KCNMB2: variants seen among roughly 807,000 people sequenced by gnomAD.
KCNMB2 encodes the protein potassium calcium-activated channel subfamily M regulatory beta subunit 2, also known as calcium-activated potassium channel subunit beta-2.
A neutral mutation model predicts 24.5 loss-of-function variants in KCNMB2; 9 were observed. The ratio of observed to expected loss-of-function variants is 0.37; its 90% confidence interval spans 0.22 to 0.64. The LOEUF is 0.64. Among genes scored for constraint, KCNMB2 ranks in the 30% least tolerant of loss-of-function variants. KCNMB2 has a pLI of 0.63. For missense variants in KCNMB2, 226 were observed against 284.3 expected (o/e 0.79, Z 1.47); for synonymous variants, 109 against 104.4 (o/e 1.04, Z -0.27).
At chr3:178,536,928 A>G (rs1715430020) in intron 1 of KCNMB2, among the ~76,000 whole-genome samples, 1 of 152,210 alleles carries the variant, frequency 6.6e-6, no homozygotes, top group South Asian at 2.1e-4. Flanking sequence ...CCAGGCTTAC[A>G]GCTTGCTGAG....
At chr3:178,835,266 C>T (rs1381127893) in intron 4 of KCNMB2, among the ~76,000 whole-genome samples, 2 of 151,984 alleles carry the variant, frequency 1.3e-5, no homozygotes, top group African/African-American at 2.4e-5. Context: ...ATTCTGTTTT[C>T]CTTTTCACTA....
intron 1 of KCNMB2, among the ~76,000 whole-genome samples, chr3:178,706,721 C>T (rs1722288869): frequency 6.6e-6 from 1 of 152,174 alleles, no homozygotes; most frequent in South Asian, 2.1e-4. Context: ...AACTTGCTAT[C>T]TGCACCTTCC....
At chr3:178,664,648 T>C (rs969615224) in intron 1 of KCNMB2, among the ~76,000 whole-genome samples, 2 of 151,806 alleles carry the variant, frequency 1.3e-5, no homozygotes, top group Non-Finnish European at 2.9e-5. Context: ...TTTTTCTACA[T>C]CTCTTTTTAT....
chr3:178,684,356 G>A (rs375257185), intron 1 of KCNMB2, among the ~76,000 whole-genome samples: 1 of 150,014 alleles, frequency 6.7e-6, no homozygotes, highest in East Asian at 2.0e-4. Context: ...GAGAGGAAAT[G>A]GGGAGATGTA....
At chr3:178,568,813 AG>A (rs1716639258) in intron 1 of KCNMB2, among the ~76,000 whole-genome samples, 1 of 51,662 alleles carries the variant, frequency 1.9e-5, no homozygotes, top group Admixed American at 1.9e-4. Flanking sequence ...ATAGATAGAT[AG>A]ATAATAGATA....
At chr3:178,740,885 G>A (rs1723472994) in intron 1 of KCNMB2, among the ~76,000 whole-genome samples, 1 of 152,042 alleles carries the variant, frequency 6.6e-6, no homozygotes, top group Non-Finnish European at 1.5e-5. Flanking sequence ...GAACTCACAG[G>A]CTCAAAGTAA....
At chr3:178,730,035 A>C (rs925639763) in intron 1 of KCNMB2, among the ~76,000 whole-genome samples, 1 of 152,200 alleles carries the variant, frequency 6.6e-6, no homozygotes, top group Non-Finnish European at 1.5e-5. Context: ...CCTCTAGAGA[A>C]TCTTGCATTG....
chr3:178,661,488 T>A (rs1049213435), intron 1 of KCNMB2, among the ~76,000 whole-genome samples: 4 of 152,286 alleles, frequency 2.6e-5, no homozygotes, highest in African/African-American at 7.2e-5. Flanking sequence ...CTTTGTGAGC[T>A]ATACAGTCTC....
intron 1 of KCNMB2, among the ~76,000 whole-genome samples, chr3:178,579,869 GC>G (rs1253616737): frequency 2.6e-5 from 4 of 152,112 alleles, no homozygotes; most frequent in Non-Finnish European, 4.4e-5. Flanking sequence ...TGAAATTGAG[GC>G]AGTAATTAAT....
intron 1 of KCNMB2, among the ~76,000 whole-genome samples, chr3:178,538,377 T>A (rs1715477878): frequency 1.3e-5 from 2 of 152,152 alleles, no homozygotes; most frequent in Non-Finnish European, 2.9e-5. Context: ...AACTGACCAG[T>A]CAAGAATGCA....
intron 1 of KCNMB2, among the ~76,000 whole-genome samples, chr3:178,793,523 G>GC (rs1560024045): frequency 9.2e-4 from 140 of 151,728 alleles, no homozygotes; most frequent in African/African-American, 3.3e-3. Flanking sequence ...CTGGGGGGGT[G>GC]GGCAATGGAC....
intron 4 of KCNMB2, among the ~76,000 whole-genome samples, chr3:178,836,499 A>G (rs1351411284): frequency 3.3e-5 from 5 of 152,134 alleles, no homozygotes; most frequent in Admixed American, 2.6e-4. Flanking sequence ...ACTAAAGAGA[A>G]GTTTCTGTCT....
rs1340771017 is a variant in KCNMB2, at chr3:178,679,271, C to G, written c.-67-128072C>G. 6.6e-5 allele frequency among the ~76,000 whole-genome samples: 10 copies of G among 152,124 alleles called. No homozygotes were observed. In the South Asian group the frequency reaches 2.1e-3, roughly 32 times the overall value. ...TTAGAGATAGGCTCTTGGTCTGTCA[C>G]CCAGGCTGGAGTACAGTGGTGCACT... On this transcript the variant is annotated intron_variant, in intron 1 of 4. Coordinates refer to ENST00000452583, the MANE Select transcript of KCNMB2 (RefSeq NM_181361.3).
chr3:178,652,507 C>T (rs1289558832), intron 1 of KCNMB2, among the ~76,000 whole-genome samples: 1 of 151,710 alleles, frequency 6.6e-6, no homozygotes, highest in Non-Finnish European at 1.5e-5. Context: ...ATTTGTGAAG[C>T]TATTTTTAAC....
chr3:178,680,648 T>A (rs142937963), intron 1 of KCNMB2, among the ~76,000 whole-genome samples: 1 of 152,178 alleles, frequency 6.6e-6, no homozygotes, highest in Non-Finnish European at 1.5e-5. Flanking sequence ...CAGAGCTCTC[T>A]GCTGGCAACT....
chr3:178,708,883 T>G (rs2108347851), intron 1 of KCNMB2, among the ~76,000 whole-genome samples: 2 of 152,274 alleles, frequency 1.3e-5, no homozygotes, highest in Middle Eastern at 3.4e-3. Flanking sequence ...CATCTGTTAA[T>G]TTACCAATGG....
At chr3:178,571,447 G>GATATATATATATATAT (rs71181237) in intron 1 of KCNMB2, among the ~76,000 whole-genome samples, 2 of 91,102 alleles carry the variant, frequency 2.2e-5, no homozygotes, top group Admixed American at 1.2e-4. Context: ...TTTCCTTATG[G>GATATATATATATATAT]ATATATATAT....
intron 1 of KCNMB2, among the ~76,000 whole-genome samples, chr3:178,800,075 T>C (rs1713716138): frequency 6.6e-6 from 1 of 152,074 alleles, no homozygotes; most frequent in African/African-American, 2.4e-5. Context: ...ATGAAACCAC[T>C]GTAAGAAAAC....
rs137917931 is a variant in KCNMB2, at chr3:178,746,472, G to A, written c.-67-60871G>A. The stretch of plus-strand genomic sequence containing the variant: ...GGGCTGCTGTGAAGACCTTAGACAT[G>A]CCCTGGAGACATTTTCCTCATTGTC... On this transcript the variant is annotated intron_variant, in intron 1 of 4. Transcript: ENST00000452583. Among the ~76,000 whole-genome samples the A allele has an allele frequency of 6.2e-3, 942 of 152,192 alleles. 6 individuals carry two copies. Among genetic ancestry groups the A allele is most frequent in the Middle Eastern group, 0.031 (9 of 294 alleles).
Sources: gnomAD v4.1 joint callset for allele counts (sites outside exome capture counted in the v4.1 genomes callset) on GRCh38, gnomAD v4.1.1 for gene constraint, MANE v1.5 for transcripts, NCBI Gene and HGNC (gene_info 2026-07-23, HGNC 2026-07-21) for gene names.